Variants in THSD4 observed in about 807,000 individuals in gnomAD.
THSD4 encodes the protein thrombospondin type 1 domain containing 4.
THSD4 carries 69 observed loss-of-function variants against 119.0 expected under a neutral mutation model. The observed-to-expected ratio is 0.58, with a 90% CI of 0.48 to 0.71. The LOEUF (loss-of-function observed/expected upper bound fraction) is 0.71. THSD4 is among the 30% of genes least tolerant of loss of function. The probability of loss-of-function intolerance (pLI) is 0.00; values close to 1 mark genes in which losing one functional copy is unlikely to be tolerated. For synonymous variants in THSD4, 524 were observed against 540.4 expected, an observed-to-expected ratio of 0.97 and a Z score of 0.42; for missense variants, 1,393 against 1,391.1, an observed-to-expected ratio of 1.00 and a Z score of -0.02.
chr15:71,513,063 C>A (rs1567015836), intron 7 of THSD4, among the ~76,000 whole-genome samples: 1 of 152,340 alleles, frequency 6.6e-6, no homozygotes, highest in Non-Finnish European at 1.5e-5. Flanking sequence ...ATAATCATGA[C>A]ACAGCTGATG....
intron 6 of THSD4, among the ~76,000 whole-genome samples, chr15:71,352,161 C>T (rs2045751769): frequency 6.6e-6 from 1 of 152,146 alleles, no homozygotes; most frequent in Non-Finnish European, 1.5e-5. Flanking sequence ...TCCTCTTTGT[C>T]CTCTTTGTCT....
intron 8 of THSD4, among the ~76,000 whole-genome samples, chr15:71,688,707 C>CTGTGTGTGTGTGTGTG (rs55653630): frequency 3.0e-5 from 4 of 133,486 alleles, no homozygotes; most frequent in African/African-American, 1.2e-4. Context: ...TTTTGTATCT[C>CTGTGTGTGTGTGTGTG]TGTGTGTGTG....
At chr15:71,735,458 C>G (rs936699006) in intron 10 of THSD4, among the ~76,000 whole-genome samples, 4 of 150,838 alleles carry the variant, frequency 2.7e-5, no homozygotes, top group African/African-American at 7.3e-5. Context: ...CTCACTCTCT[C>G]TCTCTCTCTC....
At chr15:71,716,600 T>G (rs1297527270) in intron 8 of THSD4, among the ~76,000 whole-genome samples, 1 of 112,992 alleles carries the variant, frequency 8.9e-6, no homozygotes, top group South Asian at 2.7e-4. Context: ...GTTTTTTTTT[T>G]TGTAGTCTAA....
At chr15:71,451,155 G>T (rs1261987633) in intron 7 of THSD4, among the ~76,000 whole-genome samples, 2 of 152,166 alleles carry the variant, frequency 1.3e-5, no homozygotes, top group Admixed American at 6.5e-5. Context: ...TCCAGCCTGG[G>T]CAACAGAGCA....
rs1468131035 is a variant in THSD4, at chr15:71,781,262, AT to A, written c.*3890del. The A allele has an allele frequency of 6.4e-6, 1 of 156,518 alleles. No individual in the cohort carries two copies. Among genetic ancestry groups the A allele is most frequent in the Non-Finnish European group, 1.4e-5 (1 of 70,504 alleles). The allele number at this position is 156,518 out of a possible 1,614,324, so 9.7% of individuals were successfully genotyped here. On this transcript the variant is annotated 3_prime_UTR_variant, in exon 18 of 18. Coordinates refer to ENST00000261862, the MANE Select transcript of THSD4 (RefSeq NM_024817.3). ...CTAGAATAAAACTTGGATGTTAAAAATTCACCAGGAATCCACATAAAGTACT... is the reference window on the plus strand; with the variant it reads ...CTAGAATAAAACTTGGATGTTAAAAATCACCAGGAATCCACATAAAGTACT...
intron 7 of THSD4, among the ~76,000 whole-genome samples, chr15:71,496,912 G>A (rs147062097): frequency 2.8e-4 from 43 of 152,262 alleles, no homozygotes; most frequent in Admixed American, 7.2e-4. Flanking sequence ...GAGATCAACC[G>A]CTCCAGGAGC....
intron 1 of THSD4, among the ~76,000 whole-genome samples, chr15:71,140,477 G>A (rs893581996): frequency 3.3e-5 from 5 of 152,204 alleles, no homozygotes; most frequent in East Asian, 1.9e-4. Flanking sequence ...GGACCCACCC[G>A]CATGACCAGA....
Position 71,124,538 on chromosome 15 carries a change from A to T in THSD4, c.-80+8840A>T, listed in dbSNP as rs117330150. On this transcript the variant is annotated intron_variant, in intron 1 of 17. Coordinates refer to ENST00000261862, the MANE Select transcript of THSD4 (RefSeq NM_024817.3). ...ATCATTCACGGACATTCCAGTGCTCATAAGAAAAATGCTTAATTCACAAGT... is the reference window on the plus strand; with the variant it reads ...ATCATTCACGGACATTCCAGTGCTCTTAAGAAAAATGCTTAATTCACAAGT... 3.6e-3 allele frequency among the ~76,000 whole-genome samples: 554 copies of T among 152,322 alleles called. 8 individuals carry two copies. The highest frequency in any genetic ancestry group is 4.1e-3 in the Non-Finnish European group (280 of 68,020).
chr15:71,169,791 T>G (rs1449446988), intron 3 of THSD4, among the ~76,000 whole-genome samples: 1 of 152,238 alleles, frequency 6.6e-6, no homozygotes, highest in African/African-American at 2.4e-5. Context: ...CCCAGCTTAC[T>G]GCCTTGAGAG....
At chr15:71,412,270 A>G (rs8024041) in intron 7 of THSD4, among the ~76,000 whole-genome samples, 104,805 of 151,976 alleles carry the variant, frequency 0.69, 37,602 homozygotes, top group Middle Eastern at 0.87. Context: ...AAGTTGTTTC[A>G]TGCCTTTTAT....
intron 7 of THSD4, among the ~76,000 whole-genome samples, chr15:71,623,872 G>A (rs187527407): frequency 1.9e-3 from 292 of 150,666 alleles, no homozygotes; most frequent in Admixed American, 3.5e-3. Context: ...GCAGTGAGCC[G>A]AGATGGCGCC....
rs1207470448 is a variant in THSD4 at position 71,724,553 on chromosome 15, G to A, written c.1358-3996G>A. Among the ~76,000 whole-genome samples, 50 of 143,004 alleles carry A rather than the reference G, an allele frequency of 3.5e-4. 1 individual carries two copies. The highest frequency in any genetic ancestry group is 4.6e-5 in the Non-Finnish European group (3 of 65,510). The allele number at this position is 143,004 out of a possible 152,430, so 93.8% of individuals were successfully genotyped here. ...GCCAGCCTCAGCCTCCCAAAGTGCT[G>A]GGATTACAGGCGTGAGGCACTACGC... On this transcript the variant is annotated intron_variant, in intron 8 of 17. Coordinates refer to ENST00000261862, the MANE Select transcript of THSD4 (RefSeq NM_024817.3).
At chr15:71,520,288 G>A (rs533826977) in intron 7 of THSD4, among the ~76,000 whole-genome samples, 14 of 152,178 alleles carry the variant, frequency 9.2e-5, no homozygotes, top group African/African-American at 1.9e-4. Context: ...GATGGCAAAC[G>A]TGACCTGGGA....
chr15:71,608,671 G>C (rs72740644), intron 7 of THSD4, among the ~76,000 whole-genome samples: 27,023 of 152,162 alleles, frequency 0.18, 2,958 homozygotes, highest in Non-Finnish European at 0.24. Context: ...CATTTTAAGT[G>C]TCTTGATCCC....
intron 7 of THSD4, among the ~76,000 whole-genome samples, chr15:71,634,182 C>T (rs1183803732): frequency 1.4e-5 from 2 of 143,040 alleles, no homozygotes; most frequent in Non-Finnish European, 3.1e-5. Flanking sequence ...AGTGAAACTC[C>T]GTCTCAAAAA....
At chr15:71,489,831 T>C (rs2140693606) in intron 7 of THSD4, among the ~76,000 whole-genome samples, 1 of 152,310 alleles carries the variant, frequency 6.6e-6, no homozygotes, top group South Asian at 2.1e-4. Flanking sequence ...AAACATTTTT[T>C]TTTTTCTATT....
intron 6 of THSD4, among the ~76,000 whole-genome samples, chr15:71,345,310 A>G (rs913949095): frequency 2.6e-5 from 4 of 152,090 alleles, no homozygotes; most frequent in Admixed American, 1.3e-4. Flanking sequence ...AGCAGCTCCC[A>G]TCCTGGGCCA....
At chr15:71,402,515 TG>T (rs2046550832) in intron 6 of THSD4, among the ~76,000 whole-genome samples, 1 of 152,080 alleles carries the variant, frequency 6.6e-6, no homozygotes. Context: ...GAGGCAGGAT[TG>T]GACAGAGGGG....
Sources: allele counts gnomAD v4.1 joint callset (sites outside exome capture counted in the v4.1 genomes callset), GRCh38; gene constraint gnomAD v4.1.1; transcripts MANE v1.5; gene names NCBI Gene and HGNC (gene_info 2026-07-23, HGNC 2026-07-21).